The following PRSS23 variants were observed in gnomAD, a reference collection of about 807,000 sequenced individuals.
PRSS23 encodes the protein serine protease 23.
A neutral mutation model predicts 34.7 loss-of-function variants in PRSS23; 25 were observed. The ratio of observed to expected loss-of-function variants is 0.72; its 90% CI spans 0.53 to 1.01. PRSS23 has a LOEUF of 1.01. Ranked by LOEUF, PRSS23 falls within the 50% of genes least tolerant of loss-of-function variation. The pLI is 0.00. For missense variants in PRSS23, 445 were observed against 475.6 expected (o/e 0.94, Z 0.60); for synonymous variants, 176 against 186.6 (o/e 0.94, Z 0.46).
At chr11:86,928,699 A>T (rs1448419269) in intron 2 of PRSS23, among the ~76,000 whole-genome samples, 13,917 of 47,116 alleles carry the variant, frequency 0.3, 2,745 homozygotes, top group Non-Finnish European at 0.39. Flanking sequence ...AAAAAAAAAA[A>T]AAAAAAATTG....
intron 2 of PRSS23, among the ~76,000 whole-genome samples, chr11:86,865,092 G>A (rs904264006): frequency 6.6e-6 from 1 of 152,206 alleles, no homozygotes; most frequent in Non-Finnish European, 1.5e-5. Context: ...GGTGGTAGGA[G>A]GGGACAGAGG....
At chr11:86,906,161 G>A (rs1044305587) in intron 2 of PRSS23, among the ~76,000 whole-genome samples, 3 of 152,196 alleles carry the variant, frequency 2.0e-5, no homozygotes, top group African/African-American at 7.2e-5. Flanking sequence ...GGGCCGGGGG[G>A]CGGGGGCAAG....
At chr11:86,811,408 A>T (rs1249602090), downstream of PRSS23, among the ~76,000 whole-genome samples, 3 of 152,310 alleles carry the variant, frequency 2.0e-5, no homozygotes, top group East Asian at 5.8e-4. Context: ...CAGGATTTGG[A>T]AATCTTCACA....
intron 2 of PRSS23, among the ~76,000 whole-genome samples, chr11:86,824,330 A>AAAAATAAAAATAAAAT (rs1555071045): frequency 7.5e-6 from 1 of 133,158 alleles, no homozygotes; most frequent in East Asian, 2.1e-4. Context: ...AAATAAAAAT[A>AAAAATAAAAATAAAAT]AAAATAAAAT....
intron 2 of PRSS23, among the ~76,000 whole-genome samples, chr11:86,886,190 C>T (rs1267727339): frequency 2.0e-5 from 3 of 152,106 alleles, no homozygotes; most frequent in African/African-American, 7.2e-5. Context: ...AGTGAGACCC[C>T]ATCTCTAATA....
intron 2 of PRSS23, among the ~76,000 whole-genome samples, chr11:86,908,529 A>G (rs529290834): frequency 6.6e-6 from 1 of 152,314 alleles, no homozygotes; most frequent in African/African-American, 2.4e-5. Context: ...GCTTCCTTGC[A>G]GCCACTTCCT....
intron 1 of PRSS23, chr11:86,823,253 A>T: frequency 1.6e-6 from 1 of 620,872 alleles, no homozygotes; most frequent in East Asian, 2.7e-5. Flanking sequence ...TCATAAAAAA[A>T]AATGTATGAT....
intron 2 of PRSS23, chr11:86,832,735 G>T (rs111537332): frequency 3.0e-5 from 9 of 298,992 alleles, no homozygotes; most frequent in African/African-American, 1.5e-4. Flanking sequence ...GAGACCCACA[G>T]GTGGAGAAGG....
At chr11:86,822,047 G>A (rs553902135) in intron 1 of PRSS23, among the ~76,000 whole-genome samples, 1 of 152,156 alleles carries the variant, frequency 6.6e-6, no homozygotes, top group Non-Finnish European at 1.5e-5. Context: ...TCTTCCTAGA[G>A]AGCTTGTGAT....
intron 2 of PRSS23, among the ~76,000 whole-genome samples, chr11:86,856,705 C>T (rs910856638): frequency 1.3e-5 from 2 of 152,186 alleles, no homozygotes; most frequent in African/African-American, 2.4e-5. Context: ...ACATGCTGCA[C>T]ATTGTTTCCA....
At chr11:86,930,442 C>T (rs7940935) in intron 2 of PRSS23, among the ~76,000 whole-genome samples, 94,969 of 152,020 alleles carry the variant, frequency 0.62, 30,180 homozygotes, top group Non-Finnish European at 0.69. Context: ...CCTGATGAAG[C>T]TGCTTTTAAA....
intron 2 of PRSS23, among the ~76,000 whole-genome samples, chr11:86,925,624 T>C (rs1052215606): frequency 2.0e-5 from 3 of 152,226 alleles, no homozygotes; most frequent in Non-Finnish European, 4.4e-5. Flanking sequence ...AACTGTCATT[T>C]ACTGAGCACT....
chr11:86,884,287 A>G (rs774852095), intron 2 of PRSS23, among the ~76,000 whole-genome samples: 3 of 151,774 alleles, frequency 2.0e-5, no homozygotes, highest in Non-Finnish European at 2.9e-5. Context: ...ATATTCTTGC[A>G]CTCATATTTG....
chr11:86,876,010 C>G (rs1253078589), intron 2 of PRSS23, among the ~76,000 whole-genome samples: 5 of 152,144 alleles, frequency 3.3e-5, no homozygotes, highest in African/African-American at 1.2e-4. Flanking sequence ...GATTTAAATT[C>G]TACCTTTTCT....
Position 86,847,692 on chromosome 11 carries a change from A to G in PRSS23, c.206+24099A>G, listed in dbSNP as rs568381236. On this transcript the variant is annotated intron_variant, in intron 2 of 2. Coordinates refer to the PRSS23 transcript ENST00000533902. Reference sequence around the variant, plus strand: ...GACCCTGAAACCTTAAAAAAGAAGCAGCTAATTTTCTTCTGTACCACTGCC... The same window carrying G: ...GACCCTGAAACCTTAAAAAAGAAGCGGCTAATTTTCTTCTGTACCACTGCC... Among the ~76,000 whole-genome samples, 11 of 152,326 alleles carry G rather than the reference A, an allele frequency of 7.2e-5. No individual in the cohort carries two copies. In the South Asian group the frequency reaches 1.4e-3, roughly 20 times the overall value.
chr11:86,823,080 A>G (rs948204782), intron 1 of PRSS23, among the ~76,000 whole-genome samples: 11 of 152,212 alleles, frequency 7.2e-5, no homozygotes, highest in Admixed American at 5.2e-4. Context: ...AAGGTTTGGG[A>G]GGCCCCGTCA....
At chr11:86,888,765 G>A (rs1451440542) in intron 2 of PRSS23, among the ~76,000 whole-genome samples, 1 of 152,194 alleles carries the variant, frequency 6.6e-6, no homozygotes, top group Non-Finnish European at 1.5e-5. Context: ...TCCAACACTG[G>A]GGTGTTTGAA....
chr11:86,824,507 T>A (rs1049963940), intron 2 of PRSS23, among the ~76,000 whole-genome samples: 14 of 151,562 alleles, frequency 9.2e-5, no homozygotes, highest in African/African-American at 2.9e-4. Context: ...ACTTTAAGTT[T>A]TAGGGTACAT....
At chr11:86,839,013 A>T (rs1486056013) in intron 2 of PRSS23, among the ~76,000 whole-genome samples, 2 of 152,118 alleles carry the variant, frequency 1.3e-5, no homozygotes, top group African/African-American at 4.8e-5. Flanking sequence ...AGGTAGATAA[A>T]ACCACAAAGA....
Sources: allele counts gnomAD v4.1 joint callset (sites outside exome capture counted in the v4.1 genomes callset), GRCh38; gene constraint gnomAD v4.1.1; transcripts MANE v1.5; gene names NCBI Gene and HGNC (gene_info 2026-07-23, HGNC 2026-07-21).